EHMT1: variants seen among roughly 807,000 people sequenced by gnomAD.
The protein encoded by EHMT1 is histone-lysine N-methyltransferase EHMT1.
Under a neutral mutation model 147.2 loss-of-function variants are expected in EHMT1, and 15 were observed. The observed-to-expected ratio is 0.10, with a 90% confidence interval of 0.07 to 0.16. The LOEUF is 0.16. EHMT1 is among the 10% of genes least tolerant of loss of function. The pLI, the probability that EHMT1 is intolerant of heterozygous loss-of-function variation, is 1.00. For missense variants in EHMT1, 1,587 were observed against 1,772.4 expected, an observed-to-expected ratio of 0.90 and a Z score of 1.88; for synonymous variants, 795 against 709.6, an observed-to-expected ratio of 1.12 and a Z score of -1.91.
At chr9:137,781,132 C>CG (rs1951463958) in intron 14 of EHMT1, among the ~76,000 whole-genome samples, 2 of 5,794 alleles carry the variant, frequency 3.5e-4, no homozygotes, top group Non-Finnish European at 4.9e-4. Context: ...GTGATGACGG[C>CG]ATCACTGAGA....
intron 15 of EHMT1, among the ~76,000 whole-genome samples, chr9:137,790,296 G>A (rs1476716964): frequency 3.9e-5 from 6 of 152,150 alleles, no homozygotes; most frequent in East Asian, 3.8e-4. Context: ...TTTTAAAGTC[G>A]AGGGCTTCTT....
chr9:137,711,215 C>T lies in EHMT1; in HGVS notation c.85+185C>T, dbSNP rs565122544. 2.0e-5 allele frequency among the ~76,000 whole-genome samples: 3 copies of T among 152,282 alleles called. No homozygotes were observed. The South Asian group carries it at 6.2e-4, about 32-fold the overall frequency. On this transcript the variant is annotated intron_variant, in intron 2 of 26. Transcript: ENST00000460843. ...TGCACAGACAAACACAAAAGCTCTG[C>T]CAGAGAAGGAACACATTTGTCAAAG...
At chr9:137,721,174 C>A (rs1945938251) in intron 3 of EHMT1, among the ~76,000 whole-genome samples, 3 of 143,814 alleles carry the variant, frequency 2.1e-5, no homozygotes, top group South Asian at 2.3e-4. Flanking sequence ...TTCTCACACT[C>A]ACCCCCTCCC....
chr9:137,647,370 C>T (rs1050009656), intron 1 of EHMT1, among the ~76,000 whole-genome samples: 5 of 152,302 alleles, frequency 3.3e-5, no homozygotes, highest in South Asian at 2.1e-4. Context: ...GTCTGCCTCT[C>T]GCCCCGCAGC....
intron 1 of EHMT1, among the ~76,000 whole-genome samples, chr9:137,641,741 C>T (rs560815627): frequency 2.0e-5 from 3 of 152,086 alleles, no homozygotes; most frequent in Admixed American, 6.6e-5. Flanking sequence ...GGGGCAGAGA[C>T]GGGTGTTTGG....
chr9:137,646,063 G>A (rs1369944790), intron 1 of EHMT1, among the ~76,000 whole-genome samples: 2 of 151,992 alleles, frequency 1.3e-5, no homozygotes, highest in African/African-American at 4.8e-5. Context: ...GATTCAAGCA[G>A]TTCTCCTGCC....
At position 137,779,615 on chromosome 9, in the gene EHMT1, T is replaced by C; in HGVS notation, c.2193-20T>C. ...GGGATGCAGAGCCCCATGCTGACTG[T>C]TGTCTTGTGCTTCCCACAGACCCAA... On this transcript the variant is annotated intron_variant, in intron 13 of 26. Coordinates refer to ENST00000460843, the MANE Select transcript of EHMT1 (RefSeq NM_024757.5). The C allele has an allele frequency of 6.2e-7, 1 of 1,613,576 alleles. No homozygotes were observed. The highest frequency in any genetic ancestry group is 8.5e-7 in the Non-Finnish European group (1 of 1,179,918).
intron 3 of EHMT1, among the ~76,000 whole-genome samples, chr9:137,720,018 T>G (rs1182735100): frequency 2.1e-5 from 1 of 48,034 alleles, no homozygotes; most frequent in East Asian, 3.3e-4. Context: ...CAGGACACAG[T>G]CGAGGTGCCG....
intron 1 of EHMT1, among the ~76,000 whole-genome samples, chr9:137,676,963 A>G (rs1941409845): frequency 6.6e-6 from 1 of 151,816 alleles, no homozygotes; most frequent in Non-Finnish European, 1.5e-5. Context: ...TCATGTCTAA[A>G]TTTTCCTGGT....
At chr9:137,656,191 C>A (rs546188128) in intron 1 of EHMT1, among the ~76,000 whole-genome samples, 340 of 152,206 alleles carry the variant, frequency 2.2e-3, no homozygotes, top group Admixed American at 4.0e-3. Flanking sequence ...ACCAGCCTGG[C>A]CAACATGGTG....
rs148816728 is a variant in EHMT1, at chr9:137,651,962, A to T, written c.21+32913A>T. Among the ~76,000 whole-genome samples, 537 of 152,346 alleles carry T rather than the reference A, an allele frequency of 3.5e-3. 2 individuals are homozygous for T. The highest frequency in any genetic ancestry group is 0.012 in the African/African-American group (498 of 41,568). On this transcript the variant is annotated intron_variant, in intron 1 of 26. Coordinates refer to ENST00000460843, the MANE Select transcript of EHMT1 (RefSeq NM_024757.5). ...AGTTATGTGCAGTACCTAATGCTTG[A>T]TAATGATAATAAACTCCTATGTTAC...
chr9:137,677,946 G>T (rs1941537654), intron 1 of EHMT1, among the ~76,000 whole-genome samples: 2 of 151,296 alleles, frequency 1.3e-5, no homozygotes, highest in East Asian at 1.9e-4. Context: ...GCGGGCGCCT[G>T]TAGTCCCAGC....
intron 16 of EHMT1, among the ~76,000 whole-genome samples, chr9:137,798,416 GA>G (rs952230651): frequency 4.1e-5 from 6 of 147,680 alleles, no homozygotes; most frequent in African/African-American, 9.9e-5. Context: ...AGGAGAGAAA[GA>G]AAAAAAAAAC....
intron 25 of EHMT1, 75 bp from the exon 26 acceptor site, chr9:137,834,274 G>A: frequency 6.3e-7 from 1 of 1,585,444 alleles, no homozygotes; most frequent in South Asian, 1.1e-5. Context: ...GGACTGCCAT[G>A]CATGGCCGTA....
chr9:137,700,899 G>T (rs1048368873), intron 1 of EHMT1, among the ~76,000 whole-genome samples: 5 of 152,160 alleles, frequency 3.3e-5, no homozygotes, highest in African/African-American at 1.2e-4. Context: ...TAATTTATAA[G>T]GAAAAGAGGT....
At position 137,790,781 on chromosome 9, in the gene EHMT1, G is replaced by A. The variant is rs199961365; in HGVS notation, c.2383-67G>A. ...TTTTTTTGAGTGTGGAAGCTTGTAAGTCACTTCTCCCCAGGCGGTGGCTAC... is the reference window on the plus strand; with the variant it reads ...TTTTTTTGAGTGTGGAAGCTTGTAAATCACTTCTCCCCAGGCGGTGGCTAC... On this transcript the variant is annotated intron_variant, in intron 15 of 26. Transcript: ENST00000460843. 6.6e-4 allele frequency: 1,069 copies of A among 1,613,080 alleles called. 1 individual carries two copies. Among genetic ancestry groups the A allele is most frequent in the Non-Finnish European group, 8.6e-4 (1,011 of 1,179,396 alleles).
At chr9:137,650,665 G>A (rs552525805) in intron 1 of EHMT1, among the ~76,000 whole-genome samples, 169 of 141,428 alleles carry the variant, frequency 1.2e-3, no homozygotes, top group African/African-American at 4.4e-3. Context: ...AGGACCCCCC[G>A]CTTTTTTTTT....
intron 7 of EHMT1, among the ~76,000 whole-genome samples, chr9:137,752,859 G>A (rs1564694507): frequency 6.6e-6 from 1 of 152,176 alleles, no homozygotes; most frequent in Non-Finnish European, 1.5e-5. Flanking sequence ...CCGCTGCATC[G>A]GCTGACGTGC....
intron 25 of EHMT1, among the ~76,000 whole-genome samples, chr9:137,822,828 G>T (rs1955524966): frequency 6.6e-6 from 1 of 151,490 alleles, no homozygotes; most frequent in African/African-American, 2.4e-5. Context: ...GGGAGGTGGA[G>T]GTTGCAGTGA....
Sources: allele counts gnomAD v4.1 joint callset (sites outside exome capture counted in the v4.1 genomes callset), GRCh38; gene constraint gnomAD v4.1.1; transcripts MANE v1.5; gene names NCBI Gene and HGNC (gene_info 2026-07-23, HGNC 2026-07-21).